LRRC4C: variants seen among roughly 807,000 people sequenced by gnomAD.
LRRC4C encodes leucine-rich repeat-containing protein 4C.
In LRRC4C, 5 loss-of-function variants were observed where a neutral mutation model predicts 33.6. The ratio of observed to expected loss-of-function variants is 0.15; its 90% CI spans 0.08 to 0.31. LRRC4C has a LOEUF of 0.31. Among genes scored for constraint, LRRC4C ranks in the 10% least tolerant of loss-of-function variants. The pLI, the probability that LRRC4C is intolerant of heterozygous loss-of-function variation, is 1.00. For missense variants in LRRC4C, 560 were observed against 796.7 expected (o/e 0.70, Z 3.58); for synonymous variants, 329 against 302.0 (o/e 1.09, Z -0.93).
intron 1 of LRRC4C, among the ~76,000 whole-genome samples, chr11:41,249,577 A>G (rs1948573224): frequency 6.6e-6 from 1 of 152,072 alleles, no homozygotes; most frequent in Non-Finnish European, 1.5e-5. Flanking sequence ...GTACCTCCCC[A>G]GCTTACACAT....
chr11:40,982,074 C>A (rs1319953528), intron 1 of LRRC4C, among the ~76,000 whole-genome samples: 1 of 152,126 alleles, frequency 6.6e-6, no homozygotes, highest in Non-Finnish European at 1.5e-5. Context: ...CAAAATATTA[C>A]TGGATAAATC....
intron 1 of LRRC4C, among the ~76,000 whole-genome samples, chr11:41,224,933 T>C (rs752350659): frequency 2.0e-5 from 3 of 152,040 alleles, no homozygotes; most frequent in Non-Finnish European, 4.4e-5. Context: ...TGCAATGGAG[T>C]ACTATTCAGC....
chr11:40,952,878 ACACACACACACACACACACTCTCTCTCT>A (rs928660616), intron 1 of LRRC4C, among the ~76,000 whole-genome samples: 1 of 109,850 alleles, frequency 9.1e-6, no homozygotes, highest in African/African-American at 3.0e-5. Context: ...ACACACACAC[ACACACACACACACACACACTCTCTCTCT>A]CTCTCTCTCT....
chr11:41,082,231 T>TCAGAGACA (rs1939629394), intron 1 of LRRC4C, among the ~76,000 whole-genome samples: 1 of 152,144 alleles, frequency 6.6e-6, no homozygotes, highest in South Asian at 2.1e-4. Context: ...GAAACGCATC[T>TCAGAGACA]CAGAGACACG....
intron 2 of LRRC4C, among the ~76,000 whole-genome samples, chr11:40,810,210 A>C (rs2135377960): frequency 6.6e-6 from 1 of 152,216 alleles, no homozygotes; most frequent in East Asian, 1.9e-4. Context: ...TCCATTATCT[A>C]ATTGACCTTG....
chr11:40,268,723 C>A (rs1260076015), intron 4 of LRRC4C, among the ~76,000 whole-genome samples: 1 of 152,110 alleles, frequency 6.6e-6, no homozygotes, highest in Non-Finnish European at 1.5e-5. Flanking sequence ...TGGGAACCAT[C>A]TGGAGATTCT....
At chr11:40,140,884 A>T (rs1431095217) in intron 5 of LRRC4C, 31 bp from the exon 6 acceptor site, 1 of 152,486 alleles carries the variant, frequency 6.6e-6, no homozygotes, top group Non-Finnish European at 1.5e-5. Context: ...AAAGAAAAGA[A>T]AAAAAAGCAT....
chr11:41,259,412 A>C (rs1948904506), intron 1 of LRRC4C, among the ~76,000 whole-genome samples: 1 of 151,994 alleles, frequency 6.6e-6, no homozygotes. Context: ...AAATGTGTAC[A>C]TGGTCAGATT....
chr11:40,247,411 C>T (rs1425795134), intron 4 of LRRC4C, among the ~76,000 whole-genome samples: 1 of 152,124 alleles, frequency 6.6e-6, no homozygotes, highest in Non-Finnish European at 1.5e-5. Context: ...CCCATGTTTT[C>T]AGATCGCAAT....
At chr11:40,625,900 C>A (rs918733305) in intron 3 of LRRC4C, among the ~76,000 whole-genome samples, 3 of 152,072 alleles carry the variant, frequency 2.0e-5, no homozygotes, top group Non-Finnish European at 4.4e-5. Context: ...TCTAAGGAGA[C>A]CTTCCTCTTC....
rs192337256 is a variant in LRRC4C, at chr11:40,485,510, A to G, written c.-270+162632T>C. Among the ~76,000 whole-genome samples the G allele has an allele frequency of 6.6e-5, 10 of 152,088 alleles. 1 individual carries two copies. Among genetic ancestry groups the G allele is most frequent in the African/African-American group, 1.9e-4 (8 of 41,528 alleles). On this transcript the variant is annotated intron_variant, in intron 3 of 6. Coordinates refer to ENST00000528697, the MANE Select transcript of LRRC4C (RefSeq NM_001258419.2). ...GAAATGCCATTTCAAGTCCCTAATG[A>G]ACTCATTGTTTCAGGAAAAAGATGG...
intron 1 of LRRC4C, among the ~76,000 whole-genome samples, chr11:41,035,555 T>C (rs1857014286): frequency 6.6e-6 from 1 of 152,178 alleles, no homozygotes; most frequent in South Asian, 2.1e-4. Flanking sequence ...GAAAAGGACA[T>C]GATCGTGTTC....
chr11:40,413,106 G>A (rs897474230), intron 3 of LRRC4C, among the ~76,000 whole-genome samples: 1 of 152,004 alleles, frequency 6.6e-6, no homozygotes, highest in African/African-American at 2.4e-5. Flanking sequence ...CATAGTAATT[G>A]CCTTGGAGGA....
At chr11:40,983,770 A>G (rs2137130607) in intron 1 of LRRC4C, among the ~76,000 whole-genome samples, 1 of 152,316 alleles carries the variant, frequency 6.6e-6, no homozygotes, top group South Asian at 2.1e-4. Flanking sequence ...CATTAGAGAA[A>G]TGCAAATCAA....
chr11:40,707,710 T>A (rs2136549076), intron 2 of LRRC4C, among the ~76,000 whole-genome samples: 1 of 152,306 alleles, frequency 6.6e-6, no homozygotes, highest in East Asian at 1.9e-4. Context: ...GGTATCAGGA[T>A]GATGCTGGCC....
At chr11:40,648,712 T>G (rs539171616) in intron 2 of LRRC4C, among the ~76,000 whole-genome samples, 122 of 152,334 alleles carry the variant, frequency 8.0e-4, no homozygotes, top group Middle Eastern at 3.4e-3. Context: ...TTTCTTAAGA[T>G]CTTGCTATCC....
intron 3 of LRRC4C, among the ~76,000 whole-genome samples, chr11:40,461,712 T>C (rs1590813298): frequency 6.8e-6 from 1 of 147,818 alleles, no homozygotes; most frequent in East Asian, 2.0e-4. Context: ...TTATATCTTA[T>C]ACATATAATC....
chr11:40,993,083 T>C (rs760877931), intron 1 of LRRC4C, among the ~76,000 whole-genome samples: 1 of 152,188 alleles, frequency 6.6e-6, no homozygotes, highest in Non-Finnish European at 1.5e-5. Context: ...ATAATAATTT[T>C]AGTTGACTAA....
chr11:40,340,173 A>T (rs918642644), intron 3 of LRRC4C, among the ~76,000 whole-genome samples: 4 of 152,092 alleles, frequency 2.6e-5, no homozygotes, highest in African/African-American at 9.7e-5. Context: ...TCTACTTCAT[A>T]TCCTATTTTC....
Sources: gnomAD v4.1 joint callset for allele counts (sites outside exome capture counted in the v4.1 genomes callset) on GRCh38, gnomAD v4.1.1 for gene constraint, MANE v1.5 for transcripts, NCBI Gene and HGNC (gene_info 2026-07-23, HGNC 2026-07-21) for gene names.